Variants in ANXA8 observed in about 807,000 individuals in gnomAD.
The protein encoded by ANXA8 is VAC-beta.
In ANXA8, 9 loss-of-function variants were observed where a neutral mutation model predicts 26.8. That is an observed-to-expected ratio of 0.34 (90% CI 0.20 to 0.59). The LOEUF (loss-of-function observed/expected upper bound fraction) is 0.59. Among genes scored for constraint, ANXA8 ranks in the 20% least tolerant of loss-of-function variants. The pLI, the probability that ANXA8 is intolerant of heterozygous loss-of-function variation, is 0.84. For synonymous variants in ANXA8, 39 were observed against 94.8 expected, an observed-to-expected ratio of 0.41 and a Z score of 3.42; for missense variants, 83 against 238.5, an observed-to-expected ratio of 0.35 and a Z score of 4.29.
At chr10:47,968,939 A>G in the ANXA8 span, among the ~76,000 whole-genome samples, 1 of 147,360 alleles carries the variant, frequency 6.8e-6, no homozygotes, top group African/African-American at 2.5e-5. Flanking sequence ...CTTGTGTATC[A>G]TCCATTATCA....
At chr10:47,565,880 G>T in the ANXA8 span, 9 of 1,377,868 alleles carry the variant, frequency 6.5e-6, no homozygotes, top group South Asian at 1.1e-4. Context: ...GCTGGCCCCG[G>T]ATTCGCACTT....
At chr10:47,484,412 G>T, upstream of ANXA8, 1 of 1,089,548 alleles carries the variant, frequency 9.2e-7, no homozygotes, top group African/African-American at 1.6e-5. Context: ...TAGCCATGGA[G>T]TATGCCATTT....
the ANXA8 span, among the ~76,000 whole-genome samples, chr10:47,743,283 C>CACATAGATATATACATAT: frequency 1.2e-5 from 1 of 81,988 alleles, no homozygotes; most frequent in Non-Finnish European, 2.5e-5. Context: ...TATATACACA[C>CACATAGATATATACATAT]ATATATATAT....
the ANXA8 span, among the ~76,000 whole-genome samples, chr10:47,605,863 C>G: frequency 7.1e-6 from 1 of 140,330 alleles, no homozygotes; most frequent in Admixed American, 7.1e-5. Context: ...AAAGCATTAT[C>G]AACTTACTTT....
At chr10:47,594,824 A>C in the ANXA8 span, among the ~76,000 whole-genome samples, 1 of 148,318 alleles carries the variant, frequency 6.7e-6, no homozygotes, top group South Asian at 2.1e-4. Context: ...AAGAGTAACC[A>C]ACTTGGAAAA....
chr10:47,684,433 G>A, the ANXA8 span, among the ~76,000 whole-genome samples: 35 of 148,518 alleles, frequency 2.4e-4, no homozygotes, highest in African/African-American at 8.5e-4. Context: ...TGGGGGGGGG[G>A]TGAGGAGGGT....
chr10:47,623,441 T>A, the ANXA8 span, among the ~76,000 whole-genome samples: 1 of 111,896 alleles, frequency 8.9e-6, no homozygotes, highest in South Asian at 2.9e-4. Flanking sequence ...TTGAGGAGGG[T>A]CAAGGATTCT....
At chr10:47,755,701 AGC>A in the ANXA8 span, among the ~76,000 whole-genome samples, 8 of 142,894 alleles carry the variant, frequency 5.6e-5, no homozygotes, top group East Asian at 1.1e-3. Context: ...AGTAGAGATG[AGC>A]GTTTCACCAT....
chr10:47,682,364 A>G, the ANXA8 span, among the ~76,000 whole-genome samples: 1 of 144,918 alleles, frequency 6.9e-6, no homozygotes, highest in Non-Finnish European at 1.5e-5. Flanking sequence ...TGAGAAGGAA[A>G]AAAGATCCTG....
At chr10:47,696,040 T>G in the ANXA8 span, among the ~76,000 whole-genome samples, 1 of 151,884 alleles carries the variant, frequency 6.6e-6, no homozygotes, top group East Asian at 1.9e-4. Flanking sequence ...TCCTAGGCAC[T>G]ACGGCTTTGG....
At chr10:47,491,674 T>A in the ANXA8 span, 1 of 1,533,794 alleles carries the variant, frequency 6.5e-7, no homozygotes, top group Non-Finnish European at 8.8e-7. Context: ...CCTCCCAGCA[T>A]CGTGTGGCAG....
the ANXA8 span, among the ~76,000 whole-genome samples, chr10:47,738,919 T>C: frequency 6.6e-6 from 1 of 151,352 alleles, no homozygotes; most frequent in East Asian, 2.0e-4. Context: ...CTCTGTTGAA[T>C]CCCTTTTCCA....
the ANXA8 span, among the ~76,000 whole-genome samples, chr10:47,681,531 T>A: frequency 7.6e-6 from 1 of 130,846 alleles, no homozygotes; most frequent in African/African-American, 2.9e-5. Context: ...TACTTTTTTT[T>A]TTTTTTTTTT....
the ANXA8 span, among the ~76,000 whole-genome samples, chr10:47,576,637 G>A: frequency 2.0e-5 from 3 of 150,986 alleles, no homozygotes; most frequent in Non-Finnish European, 4.4e-5. Context: ...CCAGGTAGCT[G>A]GGAATATGGC....
At chr10:47,763,800 AG>A in the ANXA8 span, among the ~76,000 whole-genome samples, 3 of 30,636 alleles carry the variant, frequency 9.8e-5, no homozygotes, top group East Asian at 1.0e-3. Flanking sequence ...TGGGGGGGGG[AG>A]GGGGTGGTTG....
the ANXA8 span, among the ~76,000 whole-genome samples, chr10:47,683,616 A>G: frequency 1.3e-5 from 2 of 151,986 alleles, no homozygotes; most frequent in Non-Finnish European, 2.9e-5. Context: ...AAAGAATAAA[A>G]GGATGACTTT....
At chr10:47,653,450 C>G in the ANXA8 span, among the ~76,000 whole-genome samples, 1 of 151,472 alleles carries the variant, frequency 6.6e-6, no homozygotes, top group Non-Finnish European at 1.5e-5. Flanking sequence ...ATATGAGAGG[C>G]GAGGAAAAGT....
At chr10:47,587,986 G>A in the ANXA8 span, among the ~76,000 whole-genome samples, 1 of 144,362 alleles carries the variant, frequency 6.9e-6, no homozygotes, top group Non-Finnish European at 1.5e-5. Flanking sequence ...TGGCACAAAT[G>A]CGGTTTGTTG....
the ANXA8 span, among the ~76,000 whole-genome samples, chr10:47,530,847 C>T: frequency 8.1e-6 from 1 of 122,952 alleles, no homozygotes; most frequent in African/African-American, 3.1e-5. Flanking sequence ...TTACCTTAAG[C>T]TCCCTGACTT....
Sources: allele counts gnomAD v4.1 joint callset (sites outside exome capture counted in the v4.1 genomes callset), GRCh38; gene constraint gnomAD v4.1.1; transcripts MANE v1.5; gene names NCBI Gene and HGNC (gene_info 2026-07-23, HGNC 2026-07-21).